The following SLC20A1 variants were observed in gnomAD, a reference collection of about 807,000 sequenced individuals.
The protein encoded by SLC20A1 is sodium-dependent phosphate transporter 1.
A neutral mutation model predicts 62.7 loss-of-function variants in SLC20A1; 28 were observed. That is an observed-to-expected ratio of 0.45 (90% CI 0.33 to 0.61). The LOEUF (loss-of-function observed/expected upper bound fraction) is 0.61. Among genes scored for constraint, SLC20A1 ranks in the 20% least tolerant of loss-of-function variants. The pLI, the probability that SLC20A1 is intolerant of heterozygous loss-of-function variation, is 0.02. For synonymous variants in SLC20A1, 305 were observed against 302.9 expected, an observed-to-expected ratio of 1.01 and a Z score of -0.07; for missense variants, 673 against 838.6, an observed-to-expected ratio of 0.80 and a Z score of 2.44.
chr2:112,661,486 G>A (rs1418218244), intron 10 of SLC20A1, among the ~76,000 whole-genome samples: 1 of 149,280 alleles, frequency 6.7e-6, no homozygotes, highest in Non-Finnish European at 1.5e-5. Context: ...CTCCCTCATT[G>A]TAGTCTCTTT....
Position 112,652,805 on chromosome 2 carries a change from A to T in SLC20A1, c.658+7A>T, listed in dbSNP as rs747377918. 1 of 1,612,408 alleles carries T rather than the reference A, an allele frequency of 6.2e-7. No individual in the cohort carries two copies. Among genetic ancestry groups the T allele is most frequent in the East Asian group, 2.2e-5 (1 of 44,872 alleles). ...ATGTATACTGGAGCACCGTGTAAGT[A>T]CCTATCAAAATATTTAAATGTGAAT... On this transcript the variant is annotated splice_region_variant and intron_variant, in intron 5 of 10. Transcript: ENST00000272542.
At chr2:112,652,426 G>A in intron 4 of SLC20A1, 1 of 475,078 alleles carries the variant, frequency 2.1e-6, no homozygotes, top group Non-Finnish European at 3.8e-6. Flanking sequence ...ACCTTAGAAT[G>A]TGGGTATTGC....
intron 4 of SLC20A1, 71 bp downstream of exon 4, chr2:112,647,809 T>C (rs1686327328): frequency 1.6e-6 from 2 of 1,247,134 alleles, no homozygotes; most frequent in South Asian, 1.2e-5. Context: ...AGTGGTACTT[T>C]TGCAGATGTG....
At chr2:112,654,895 CAA>C (rs199529152) in intron 5 of SLC20A1, among the ~76,000 whole-genome samples, 9 of 112,254 alleles carry the variant, frequency 8.0e-5, no homozygotes, top group Admixed American at 2.2e-4. Context: ...GATGCTGTCT[CAA>C]AAAAAAAAAA....
chr2:112,662,837 T>G, intron 10 of SLC20A1, 27 bp from the exon 11 acceptor site: 1 of 1,610,762 alleles, frequency 6.2e-7, no homozygotes, highest in South Asian at 1.1e-5. Context: ...TTCAATAACC[T>G]GTTTCCTTGG....
intron 9 of SLC20A1, 23 bp from the exon 10 acceptor site, chr2:112,661,119 C>G (rs1030060309): frequency 1.9e-6 from 3 of 1,601,196 alleles, no homozygotes; most frequent in Admixed American, 1.7e-5. Context: ...CACTTCCTGA[C>G]AAGAATCCTT....
In SLC20A1 at chr2:112,659,525, A is replaced by C; in HGVS notation, c.1370A>C (p.Lys457Thr). Reference protein sequence around the residue: ...KLTWPNADSKKRIRMDSYTSY... With the variant: ...KLTWPNADSKTRIRMDSYTSY... The stretch of plus-strand genomic sequence containing the variant: ...ACATGGCCTAATGCAGACTCCAAGA[A>C]GCGAATTCGAATGGACAGTTACACC... The change falls in exon 8 of 11, where the codon AAG becomes ACG. Residue 457 changes from lysine to threonine, a missense_variant. Coordinates refer to ENST00000272542, the MANE Select transcript of SLC20A1 (RefSeq NM_005415.5). The C allele has an allele frequency of 3.1e-6, 5 of 1,614,246 alleles. No individual in the cohort carries two copies. The highest frequency in any genetic ancestry group is 4.2e-6 in the Non-Finnish European group (5 of 1,180,046).
Position 112,647,648 on chromosome 2 carries a change from T to C in SLC20A1, c.476-5T>C. ...GATATTTTTTCTTAATGTGTTCTAT[T>C]CCAGTGATGTCTTGGTTCGTGTCCC... On this transcript the variant is annotated splice_region_variant and splice_polypyrimidine_tract_variant and intron_variant, in intron 3 of 10. Coordinates refer to ENST00000272542, the MANE Select transcript of SLC20A1 (RefSeq NM_005415.5). 6.2e-7 allele frequency: 1 copy of C among 1,611,072 alleles called. No individual in the cohort carries two copies. Among genetic ancestry groups the C allele is most frequent in the Non-Finnish European group, 8.5e-7 (1 of 1,177,202 alleles).
In SLC20A1 at chr2:112,662,926, T is replaced by A; in HGVS notation, c.1941T>A (p.Phe647Leu). ...AGAAGGCTGTTGACTGGCGTCTCTT[T>A]CGTAACATTTTTATGGCCTGGTTTG... ...RSKKAVDWRL[F>L]RNIFMAWFVT... Residue 647 changes from phenylalanine (F) to leucine (L), a missense_variant, in exon 11 of 11, where the codon TTT (phenylalanine) becomes TTA (leucine). Transcript: ENST00000272542. 2 of 1,614,226 alleles carry A rather than the reference T, an allele frequency of 1.2e-6. No individual in the cohort carries two copies. The highest frequency in any genetic ancestry group is 1.7e-6 in the Non-Finnish European group (2 of 1,180,026).
At chr2:112,655,477 G>A (rs928059239) in intron 5 of SLC20A1, among the ~76,000 whole-genome samples, 13 of 149,546 alleles carry the variant, frequency 8.7e-5, no homozygotes, top group Non-Finnish European at 1.6e-4. Context: ...AAGTAACTAA[G>A]CTATTCCTAG....
Position 112,657,239 on chromosome 2 carries a change from A to G in SLC20A1, c.776A>G (p.Glu259Gly). ...FVCPRMKRKI[E>G]REIKCSPSES... ...TGTCCCAGGATGAAGAGAAAAATTG[A>G]ACGTAAGTAATAACTAAACAGCAGA... Residue 259 changes from glutamate to glycine, a missense_variant and splice_region_variant, in exon 6 of 11, where the codon GAA becomes GGA. By Grantham distance (98) the Glu-to-Gly change is moderately conservative (BLOSUM62 -2). Transcript: ENST00000272542. 1 of 1,613,074 alleles carries G rather than the reference A, an allele frequency of 6.2e-7. No individual in the cohort carries two copies. The highest frequency in any genetic ancestry group is 8.5e-7 in the Non-Finnish European group (1 of 1,179,694).
chr2:112,647,582 A>G, intron 3 of SLC20A1, 71 bp from the exon 4 acceptor site: 1 of 1,579,626 alleles, frequency 6.3e-7, no homozygotes, highest in South Asian at 1.1e-5. Flanking sequence ...TTGAACTCTT[A>G]AACATTTAAA....
At chr2:112,658,653 G>T in intron 6 of SLC20A1, 172 bp from the exon 7 acceptor site, 1 of 730,360 alleles carries the variant, frequency 1.4e-6, no homozygotes, top group East Asian at 2.8e-5. Context: ...GTTCCCAAGT[G>T]AGAGTTGCTG....
intron 4 of SLC20A1, among the ~76,000 whole-genome samples, 183 bp downstream of exon 4, chr2:112,647,921 C>T (rs909202763): frequency 1.3e-5 from 2 of 150,572 alleles, no homozygotes; most frequent in Admixed American, 6.6e-5. Context: ...TTTTAATACT[C>T]AAGAGGGCAG....
intron 4 of SLC20A1, chr2:112,652,481 G>A (rs965953624): frequency 1.4e-5 from 8 of 570,004 alleles, no homozygotes; most frequent in African/African-American, 1.1e-4. Flanking sequence ...AGTTAGTCTT[G>A]TTATTAAAAG....
intron 9 of SLC20A1, 63 bp from the exon 10 acceptor site, chr2:112,661,079 G>A: frequency 2.6e-6 from 3 of 1,165,002 alleles, no homozygotes; most frequent in East Asian, 2.3e-5. Context: ...AACTTGAGGT[G>A]TAGTGTTAGC....
rs796444083 is a variant in SLC20A1, at chr2:112,663,455, C to G, written c.*430C>G. 9.4e-6 allele frequency: 3 copies of G among 317,940 alleles called. No homozygotes were observed. The highest frequency in any genetic ancestry group is 6.6e-5 in the African/African-American group (3 of 45,378). The allele number at this position is 317,940 out of a possible 1,614,324, so 19.7% of individuals were successfully genotyped here. A position where few individuals can be genotyped will look rare whatever the true frequency, so the allele number is the denominator to read the frequency against. On this transcript the variant is annotated 3_prime_UTR_variant, in exon 11 of 11. Coordinates refer to ENST00000272542, the MANE Select transcript of SLC20A1 (RefSeq NM_005415.5). Reference sequence around the variant, plus strand: ...TGCCCTCACATGCACAGGGATTTAACAACAAAAATATAACTACAACTTCCC... The same window carrying G: ...TGCCCTCACATGCACAGGGATTTAAGAACAAAAATATAACTACAACTTCCC...
In SLC20A1 at chr2:112,652,545, C is replaced by T. The variant is rs774203999; in HGVS notation, c.562-157C>T. 1.2e-4 allele frequency: 73 copies of T among 611,904 alleles called. 1 individual carries two copies. Among genetic ancestry groups the T allele is most frequent in the Non-Finnish European group, 2.0e-4 (71 of 347,600 alleles). The allele number at this position is 611,904 out of a possible 1,614,324, so 37.9% of individuals were successfully genotyped here. ...GGAATTAGCCTTCGTAGGAAGAATT[C>T]CAGATGCAAATGCAGGAAAAACTCT... On this transcript the variant is annotated intron_variant, in intron 4 of 10. Coordinates refer to ENST00000272542, the MANE Select transcript of SLC20A1 (RefSeq NM_005415.5).
chr2:112,661,839 G>A (rs899438005), intron 10 of SLC20A1, among the ~76,000 whole-genome samples: 3 of 152,128 alleles, frequency 2.0e-5, no homozygotes, highest in East Asian at 1.9e-4. Flanking sequence ...GTGAGCCACC[G>A]CGCCCGGCCG....
Sources: gnomAD v4.1 joint callset for allele counts (sites outside exome capture counted in the v4.1 genomes callset) on GRCh38, gnomAD v4.1.1 for gene constraint, MANE v1.5 for transcripts, NCBI Gene and HGNC (gene_info 2026-07-23, HGNC 2026-07-21) for gene names.